PCDHGA7: variants seen among roughly 807,000 people sequenced by gnomAD.
PCDHGA7 encodes protocadherin gamma-A7.
A neutral mutation model predicts 58.3 loss-of-function variants in PCDHGA7; 44 were observed. The ratio of observed to expected loss-of-function variants is 0.75; its 90% confidence interval spans 0.59 to 0.97. The LOEUF is 0.97. PCDHGA7 is among the 50% of genes least tolerant of loss of function. The pLI, the probability that PCDHGA7 is intolerant of heterozygous loss-of-function variation, is 0.00. For synonymous variants in PCDHGA7, 516 were observed against 504.2 expected (o/e 1.02, Z -0.31); for missense variants, 1,266 against 1,188.7 (o/e 1.06, Z -0.96).
In PCDHGA7 at chr5:141,477,772, C is replaced by G. The variant is rs760319541; in HGVS notation, c.2425-17035C>G. The G allele has an allele frequency of 1.5e-5, 25 of 1,613,908 alleles. No homozygotes were observed. Among genetic ancestry groups the G allele is most frequent in the Non-Finnish European group, 2.1e-5 (25 of 1,180,042 alleles). On this transcript the variant is annotated intron_variant, in intron 1 of 3. Coordinates refer to ENST00000518325, the MANE Select transcript of PCDHGA7 (RefSeq NM_018920.4). This position sits in a 1 kb window ranked among gnomAD's most constrained non-coding sequence, Gnocchi z 4.9. Reference sequence around the variant, plus strand: ...CCCCGGTCCTAGCCACCAACATCAGCGTGAACATATTTGTCACTGATCGCA... The same window carrying G: ...CCCCGGTCCTAGCCACCAACATCAGGGTGAACATATTTGTCACTGATCGCA...
intron 1 of PCDHGA7, chr5:141,415,028 C>T (rs756347396): frequency 3.1e-6 from 5 of 1,613,524 alleles, no homozygotes; most frequent in Middle Eastern, 1.7e-4. Context: ...GCCAGCGAGC[C>T]GGGACTCTTC....
chr5:141,392,826 C>T, intron 1 of PCDHGA7: 1 of 1,601,188 alleles, frequency 6.2e-7, no homozygotes, highest in Non-Finnish European at 8.5e-7. Context: ...GGCCGCTCCA[C>T]AGAGTCGCCC....
chr5:141,500,498 C>T (rs1487770160), intron 2 of PCDHGA7, among the ~76,000 whole-genome samples: 5 of 152,120 alleles, frequency 3.3e-5, no homozygotes, highest in African/African-American at 7.2e-5. Context: ...CGTGAGCCAC[C>T]GCGCCTGGCC....
chr5:141,391,196 T>C (rs887079701), intron 1 of PCDHGA7: 1 of 152,158 alleles, frequency 6.6e-6, no homozygotes, highest in Non-Finnish European at 1.5e-5. Flanking sequence ...ACAAAATATA[T>C]ACAAAATACC....
In PCDHGA7 at chr5:141,415,509, T is replaced by C. The variant is rs1296405723; in HGVS notation, c.2424+30186T>C. The C allele has an allele frequency of 4.3e-6, 7 of 1,614,054 alleles. No individual in the cohort carries two copies. In the Admixed American group the frequency reaches 5.0e-5, roughly 12 times the overall value. On this transcript the variant is annotated intron_variant, in intron 1 of 3. Transcript: ENST00000518325. ...GTCACCTGATCTTCCCCCAGCCCAA[T>C]TATGCGGACACGCTCATCAGCCAGG...
At chr5:141,437,016 T>G (rs1025489534) in intron 1 of PCDHGA7, among the ~76,000 whole-genome samples, 1 of 152,254 alleles carries the variant, frequency 6.6e-6, no homozygotes, top group Non-Finnish European at 1.5e-5. Flanking sequence ...TTAGATAATT[T>G]CACCAGAAAA....
At chr5:141,402,826 G>A (rs776479870) in intron 1 of PCDHGA7, 37 of 1,328,842 alleles carry the variant, frequency 2.8e-5, no homozygotes, top group Middle Eastern at 2.7e-4. Flanking sequence ...CCTGCTCCCA[G>A]GCTGCAGCAA....
chr5:141,401,281 G>C (rs2094135967), intron 1 of PCDHGA7, among the ~76,000 whole-genome samples: 1 of 152,200 alleles, frequency 6.6e-6, no homozygotes, highest in Non-Finnish European at 1.5e-5. Context: ...GGTGGAGGTT[G>C]CGGTGAGCCG....
intron 1 of PCDHGA7, among the ~76,000 whole-genome samples, chr5:141,472,991 AAAAAAAGAAAGAAAAAG>A (rs2099310051): frequency 6.6e-6 from 1 of 151,894 alleles, no homozygotes; most frequent in Admixed American, 6.6e-5. Flanking sequence ...AAAAAAAAAA[AAAAAAAGAAAGAAAAAG>A]AAAAAGAAAG....
chr5:141,414,684 AC>A (rs1561750824), intron 1 of PCDHGA7: 1 of 1,613,924 alleles, frequency 6.2e-7, no homozygotes, highest in Admixed American at 1.7e-5. Flanking sequence ...TCCAGGGGGT[AC>A]CTCTGTCCTC....
intron 1 of PCDHGA7, among the ~76,000 whole-genome samples, chr5:141,433,395 CTA>C (rs1426636882): frequency 1.1e-4 from 17 of 150,770 alleles, no homozygotes; most frequent in African/African-American, 4.1e-4. Flanking sequence ...ATCTATCTAT[CTA>C]TCTATCTATT....
intron 1 of PCDHGA7, among the ~76,000 whole-genome samples, chr5:141,434,245 T>G (rs921135977): frequency 3.3e-5 from 5 of 152,224 alleles, no homozygotes; most frequent in African/African-American, 1.2e-4. Context: ...CTAGATGACT[T>G]GGGCATTGTG....
intron 1 of PCDHGA7, chr5:141,390,163 C>A: frequency 1.2e-6 from 2 of 1,613,992 alleles, no homozygotes; most frequent in South Asian, 1.1e-5. Flanking sequence ...ACAGGAAAGA[C>A]GGAGTTTAAT....
At chr5:141,395,543 TGTGTGTG>T in intron 1 of PCDHGA7, 1 of 8,204 alleles carries the variant, frequency 1.2e-4, no homozygotes, top group Non-Finnish European at 2.0e-4. Context: ...TGCTATTGTT[TGTGTGTG>T]TGTGTGTGTG....
intron 1 of PCDHGA7, chr5:141,428,289 G>A: frequency 1.4e-6 from 1 of 728,400 alleles, no homozygotes; most frequent in Non-Finnish European, 2.4e-6. Context: ...CCCAAGCAAA[G>A]CTGCAGATTT....
At chr5:141,414,338 G>C in intron 1 of PCDHGA7, 1 of 1,613,832 alleles carries the variant, frequency 6.2e-7, no homozygotes, top group Non-Finnish European at 8.5e-7. Context: ...CAGGTAACCT[G>C]TTCCATTTTG....
At chr5:141,446,312 T>C (rs2098498076) in intron 1 of PCDHGA7, among the ~76,000 whole-genome samples, 1 of 152,208 alleles carries the variant, frequency 6.6e-6, no homozygotes, top group African/African-American at 2.4e-5. Flanking sequence ...GAGTGATTCC[T>C]GGGTTTCCAC....
intron 1 of PCDHGA7, chr5:141,404,646 C>G (rs1461001534): frequency 3.1e-6 from 5 of 1,614,208 alleles, no homozygotes; most frequent in Non-Finnish European, 3.4e-6. Flanking sequence ...ATCCTGTACC[C>G]TGCCCTCCCC....
At chr5:141,488,207 TC>T (rs2099672969) in intron 1 of PCDHGA7, among the ~76,000 whole-genome samples, 1 of 152,216 alleles carries the variant, frequency 6.6e-6, no homozygotes, top group Non-Finnish European at 1.5e-5. Context: ...AGGACTCATA[TC>T]AAGTCCCTAC....
Sources: allele counts gnomAD v4.1 joint callset (sites outside exome capture counted in the v4.1 genomes callset), GRCh38; gene constraint gnomAD v4.1.1; non-coding constraint Gnocchi (gnomAD v3.1); transcripts MANE v1.5; gene names NCBI Gene and HGNC (gene_info 2026-07-23, HGNC 2026-07-21).